The following CHRM3 variants were observed in gnomAD, a reference collection of about 807,000 sequenced individuals.
The protein encoded by CHRM3 is muscarinic acetylcholine receptor M3.
In CHRM3, 11 loss-of-function variants were observed where a neutral mutation model predicts 41.8. The ratio of observed to expected loss-of-function variants is 0.26; its 90% CI spans 0.17 to 0.44. The LOEUF (loss-of-function observed/expected upper bound fraction) is 0.44. Ranked by LOEUF, CHRM3 falls within the 20% of genes least tolerant of loss-of-function variation. The probability of loss-of-function intolerance (pLI) is 1.00; values close to 1 mark genes in which losing one functional copy is unlikely to be tolerated. For missense variants in CHRM3, 571 were observed against 745.4 expected, an observed-to-expected ratio of 0.77 and a Z score of 2.72; for synonymous variants, 297 against 301.4, an observed-to-expected ratio of 0.99 and a Z score of 0.15.
intron 6 of CHRM3, among the ~76,000 whole-genome samples, chr1:239,832,010 A>G (rs1389099707): frequency 2.0e-5 from 3 of 152,182 alleles, no homozygotes; most frequent in South Asian, 2.1e-4. Flanking sequence ...CTCAGTTGTC[A>G]TGCTCATTTT....
intron 3 of CHRM3, among the ~76,000 whole-genome samples, chr1:239,620,794 C>T (rs1668273416): frequency 6.6e-6 from 1 of 152,000 alleles, no homozygotes; most frequent in South Asian, 2.1e-4. Context: ...GAGGTGGATT[C>T]ACTCTCTCTT....
rs142810575 is a variant in CHRM3 at position 239,728,835 on chromosome 1, A to C, written c.-147+50547A>C. Among the ~76,000 whole-genome samples the C allele has an allele frequency of 2.3e-3, 346 of 152,046 alleles. 2 individuals are homozygous for C. The highest frequency in any genetic ancestry group is 8.1e-3 in the African/African-American group (336 of 41,534). On this transcript the variant is annotated intron_variant, in intron 5 of 6. Coordinates refer to ENST00000676153, the MANE Select transcript of CHRM3 (RefSeq NM_001375978.1). ...CATCACAAGCACTTTTATTATTACTATAGATTAAGCCAATGTGGATTCATT... is the reference window on the plus strand; with the variant it reads ...CATCACAAGCACTTTTATTATTACTCTAGATTAAGCCAATGTGGATTCATT...
intron 4 of CHRM3, among the ~76,000 whole-genome samples, chr1:239,636,972 G>C (rs1670525048): frequency 6.6e-6 from 1 of 152,146 alleles, no homozygotes; most frequent in Non-Finnish European, 1.5e-5. Context: ...GGATTTTGGA[G>C]TATCTATATG....
intron 6 of CHRM3, among the ~76,000 whole-genome samples, chr1:239,842,262 C>T (rs1196565360): frequency 6.6e-6 from 1 of 150,984 alleles, no homozygotes; most frequent in Non-Finnish European, 1.5e-5. Flanking sequence ...CGCTGTGTCA[C>T]CCAGCCTGGA....
intron 1 of CHRM3, among the ~76,000 whole-genome samples, chr1:239,418,234 A>T (rs898007388): frequency 4.6e-5 from 7 of 152,282 alleles, no homozygotes; most frequent in African/African-American, 1.2e-4. Flanking sequence ...ACCAGAAAGA[A>T]TGCTGACATT....
chr1:239,457,489 A>G (rs1365067412), intron 1 of CHRM3, among the ~76,000 whole-genome samples: 3 of 152,146 alleles, frequency 2.0e-5, no homozygotes, highest in African/African-American at 7.2e-5. Context: ...TTTAATATGT[A>G]TAGTATAAAT....
At chr1:239,401,266 T>C (rs1049338404) in intron 1 of CHRM3, among the ~76,000 whole-genome samples, 11 of 152,108 alleles carry the variant, frequency 7.2e-5, no homozygotes, top group East Asian at 5.8e-4. Flanking sequence ...TCCAGCTTCA[T>C]CAAAAACAGA....
intron 4 of CHRM3, among the ~76,000 whole-genome samples, chr1:239,638,983 G>A (rs1179717336): frequency 2.0e-5 from 3 of 151,938 alleles, no homozygotes; most frequent in Admixed American, 6.6e-5. Flanking sequence ...TCTACATATG[G>A]CTAGCCAGTT....
At chr1:239,404,427 AAAGAAAGAAAGAAAG>A (rs1482999036) in intron 1 of CHRM3, among the ~76,000 whole-genome samples, 1 of 108,242 alleles carries the variant, frequency 9.2e-6, no homozygotes, top group African/African-American at 3.7e-5. Context: ...AGAAAGAAAG[AAAGAAAGAAAGAAAG>A]AAAGAAAGAA....
chr1:239,697,905 A>G lies in CHRM3; in HGVS notation c.-147+19617A>G, dbSNP rs115953283. On this transcript the variant is annotated intron_variant, in intron 5 of 6. Transcript: ENST00000676153. ...TCAAAAAATAAAAGTAAAATAGGAA[A>G]GAAAACAATTCCCTGAATCATTTTC... Among the ~76,000 whole-genome samples the G allele has an allele frequency of 4.2e-3, 641 of 152,318 alleles. 4 individuals carry two copies. Among genetic ancestry groups the G allele is most frequent in the African/African-American group, 0.015 (619 of 41,576 alleles).
intron 2 of CHRM3, among the ~76,000 whole-genome samples, chr1:239,540,954 A>T (rs12023414): frequency 0.69 from 104,594 of 152,108 alleles, 39,473 homozygotes; most frequent in Non-Finnish European, 0.83. Flanking sequence ...GCATCATTTA[A>T]CAAAGTAATG....
intron 6 of CHRM3, among the ~76,000 whole-genome samples, chr1:239,863,524 A>T (rs953578368): frequency 6.6e-5 from 10 of 152,158 alleles, no homozygotes; most frequent in Admixed American, 6.5e-4. Context: ...CATCCCATGG[A>T]AGGAATCCTA....
chr1:239,714,570 A>C (rs891258600), intron 5 of CHRM3, among the ~76,000 whole-genome samples: 7 of 152,156 alleles, frequency 4.6e-5, no homozygotes, highest in Admixed American at 3.3e-4. Flanking sequence ...AGGAGACAGA[A>C]AGGACAGAAT....
intron 1 of CHRM3, among the ~76,000 whole-genome samples, chr1:239,404,719 AATATATATATAT>A (rs67746016): frequency 3.9e-4 from 38 of 97,352 alleles, no homozygotes; most frequent in East Asian, 1.3e-3. Flanking sequence ...GCTATATCTA[AATATATATATAT>A]ATATATATAT....
At chr1:239,404,936 C>A (rs545354119) in intron 1 of CHRM3, among the ~76,000 whole-genome samples, 1 of 151,378 alleles carries the variant, frequency 6.6e-6, no homozygotes, top group African/African-American at 2.4e-5. Context: ...CATTTCTGAG[C>A]AAGTAATCAT....
intron 1 of CHRM3, among the ~76,000 whole-genome samples, chr1:239,389,126 A>T (rs1373449615): frequency 6.6e-6 from 1 of 152,216 alleles, no homozygotes; most frequent in Non-Finnish European, 1.5e-5. Flanking sequence ...AAAGAAAATG[A>T]GATAAAAAGT....
At chr1:239,470,605 T>C (rs1666045241) in intron 1 of CHRM3, among the ~76,000 whole-genome samples, 1 of 152,112 alleles carries the variant, frequency 6.6e-6, no homozygotes, top group Admixed American at 6.6e-5. Flanking sequence ...AGTTAAACAA[T>C]TTCCCCTGCC....
chr1:239,664,052 C>T (rs1673521783), intron 4 of CHRM3, among the ~76,000 whole-genome samples: 1 of 152,092 alleles, frequency 6.6e-6, no homozygotes, highest in South Asian at 2.1e-4. Flanking sequence ...TCCTCTGGGT[C>T]TTCCTTCTGG....
intron 2 of CHRM3, among the ~76,000 whole-genome samples, chr1:239,504,737 A>G (rs1322077029): frequency 6.6e-6 from 1 of 152,230 alleles, no homozygotes; most frequent in Admixed American, 6.5e-5. Context: ...CAGCCATAAA[A>G]AGGAATGAAT....
Sources: gnomAD v4.1 joint callset for allele counts (sites outside exome capture counted in the v4.1 genomes callset) on GRCh38, gnomAD v4.1.1 for gene constraint, MANE v1.5 for transcripts, NCBI Gene and HGNC (gene_info 2026-07-23, HGNC 2026-07-21) for gene names.